NTRK2: variants seen among roughly 807,000 people sequenced by gnomAD.
NTRK2 encodes neurotrophic receptor tyrosine kinase 2.
In NTRK2, 13 loss-of-function variants were observed where a neutral mutation model predicts 94.5. That is an observed-to-expected ratio of 0.14 (90% CI 0.09 to 0.22). The LOEUF (loss-of-function observed/expected upper bound fraction) is 0.22. NTRK2 is among the 10% of genes least tolerant of loss of function. The pLI, the probability that NTRK2 is intolerant of heterozygous loss-of-function variation, is 1.00. For synonymous variants in NTRK2, 372 were observed against 407.4 expected, an observed-to-expected ratio of 0.91 and a Z score of 1.05; for missense variants, 639 against 1,071.2, an observed-to-expected ratio of 0.60 and a Z score of 5.63.
intron 14 of NTRK2, chr9:84,873,477 A>G (rs199840386): frequency 9.4e-6 from 10 of 1,059,642 alleles, no homozygotes; most frequent in Non-Finnish European, 1.0e-5. Context: ...GTCCCAATAC[A>G]ATTCCTTCCC....
chr9:84,674,284 G>T (rs2058892711), intron 2 of NTRK2, among the ~76,000 whole-genome samples: 1 of 151,980 alleles, frequency 6.6e-6, no homozygotes, highest in Non-Finnish European at 1.5e-5. Flanking sequence ...CTGATTTGGG[G>T]GTAATATTTG....
At chr9:84,972,106 A>C (rs967954365) in intron 17 of NTRK2, among the ~76,000 whole-genome samples, 6 of 152,210 alleles carry the variant, frequency 3.9e-5, no homozygotes, top group African/African-American at 7.2e-5. Context: ...GAACAACGCC[A>C]AGGTGGGAGA....
intron 12 of NTRK2, among the ~76,000 whole-genome samples, chr9:84,832,142 G>A (rs147339034): frequency 5.9e-5 from 9 of 152,182 alleles, no homozygotes; most frequent in East Asian, 1.9e-4. Flanking sequence ...CTTGTTACCC[G>A]TTTCTCTCCA....
intron 15 of NTRK2, among the ~76,000 whole-genome samples, chr9:84,936,126 A>T (rs1475560892): frequency 6.6e-6 from 1 of 152,188 alleles, no homozygotes; most frequent in Non-Finnish European, 1.5e-5. Context: ...GAGACTAGGG[A>T]ATCCTAGATG....
chr9:84,819,851 G>A (rs1362377837), intron 12 of NTRK2, among the ~76,000 whole-genome samples: 1 of 152,098 alleles, frequency 6.6e-6, no homozygotes, highest in Non-Finnish European at 1.5e-5. Context: ...CCTATTTCCT[G>A]TTTGTTTCTT....
At chr9:84,852,352 G>C (rs1318520012) in intron 12 of NTRK2, among the ~76,000 whole-genome samples, 1 of 152,200 alleles carries the variant, frequency 6.6e-6, no homozygotes. Context: ...CAGGGAAATT[G>C]TGTGTGTGTG....
Position 85,026,129 on chromosome 9 carries a change from C to CAA in NTRK2, c.*4702_*4703dup, listed in dbSNP as rs3837243. 5.1e-5 allele frequency: 10 copies of CAA among 197,754 alleles called. No homozygotes were observed. The highest frequency in any genetic ancestry group is 1.2e-4 in the African/African-American group (5 of 42,324). The allele number at this position is 197,754 out of a possible 1,614,324, so 12.2% of individuals were successfully genotyped here. ...CATTCAGCACAAACACAAAGCAAAG[C>CAA]AAAAAAAAAAATATATATATATATA... On this transcript the variant is annotated 3_prime_UTR_variant, in exon 19 of 19. Coordinates refer to ENST00000277120, the MANE Select transcript of NTRK2 (RefSeq NM_006180.6).
At chr9:84,921,984 T>G (rs1401524108) in intron 14 of NTRK2, among the ~76,000 whole-genome samples, 4 of 152,214 alleles carry the variant, frequency 2.6e-5, no homozygotes, top group Non-Finnish European at 5.9e-5. Flanking sequence ...GTGCATGTAT[T>G]GCTTTTTAAA....
At chr9:84,782,436 C>T (rs980641343) in intron 12 of NTRK2, among the ~76,000 whole-genome samples, 7 of 152,190 alleles carry the variant, frequency 4.6e-5, no homozygotes, top group African/African-American at 1.7e-4. Flanking sequence ...GCGGCTCTCC[C>T]CTCTGCCCCG....
chr9:85,011,430 A>G (rs1047123524), intron 17 of NTRK2, among the ~76,000 whole-genome samples: 7 of 152,164 alleles, frequency 4.6e-5, no homozygotes, highest in African/African-American at 1.2e-4. Flanking sequence ...GTATGACTCT[A>G]TTTGGAGATG....
chr9:84,917,140 G>A (rs868391398), intron 14 of NTRK2, among the ~76,000 whole-genome samples: 44 of 152,200 alleles, frequency 2.9e-4, no homozygotes, highest in Middle Eastern at 3.4e-3. Flanking sequence ...TTGACTTTGG[G>A]GGCATAGAAG....
chr9:84,989,633 G>A (rs983442132), intron 17 of NTRK2, among the ~76,000 whole-genome samples: 3 of 152,204 alleles, frequency 2.0e-5, no homozygotes, highest in Non-Finnish European at 2.9e-5. Flanking sequence ...GTCATGCAGA[G>A]TTTTTGACCT....
intron 15 of NTRK2, among the ~76,000 whole-genome samples, chr9:84,945,529 T>A (rs989191286): frequency 5.9e-5 from 9 of 152,156 alleles, no homozygotes; most frequent in Non-Finnish European, 1.5e-5. Flanking sequence ...CCATACCTCA[T>A]CTGCTATTTT....
At chr9:84,867,489 G>C (rs2132063574) in intron 14 of NTRK2, 58 bp downstream of exon 14, 2 of 1,421,266 alleles carry the variant, frequency 1.4e-6, no homozygotes, top group South Asian at 2.3e-5. Context: ...ATCAACCAGA[G>C]TGTTTATCAG....
chr9:84,690,531 A>G (rs1199632260), intron 2 of NTRK2, among the ~76,000 whole-genome samples: 4 of 141,220 alleles, frequency 2.8e-5, no homozygotes, highest in African/African-American at 1.0e-4. Flanking sequence ...GACATTTTAA[A>G]AAATGATAAT....
intron 15 of NTRK2, among the ~76,000 whole-genome samples, chr9:84,946,818 T>C (rs1287372283): frequency 6.6e-6 from 1 of 152,194 alleles, no homozygotes; most frequent in Non-Finnish European, 1.5e-5. Context: ...GGTTCTAGGT[T>C]AGCATGTTTT....
intron 6 of NTRK2, among the ~76,000 whole-genome samples, chr9:84,721,814 C>T (rs1027055034): frequency 3.9e-5 from 6 of 152,136 alleles, no homozygotes; most frequent in South Asian, 2.1e-4. Flanking sequence ...GAATCTTTTT[C>T]GTAATTTTTA....
chr9:84,940,735 T>A (rs1040674990), intron 15 of NTRK2, among the ~76,000 whole-genome samples: 5 of 146,702 alleles, frequency 3.4e-5, no homozygotes, highest in African/African-American at 7.4e-5. Context: ...TGGAACAGTT[T>A]AAAAAAAAAA....
intron 12 of NTRK2, among the ~76,000 whole-genome samples, chr9:84,806,442 A>G (rs73474428): frequency 0.066 from 10,000 of 152,224 alleles, 1,074 homozygotes; most frequent in African/African-American, 0.23. Flanking sequence ...AGGGATGTTT[A>G]AGCAACTTCT....
Sources: allele counts gnomAD v4.1 joint callset (sites outside exome capture counted in the v4.1 genomes callset), GRCh38; gene constraint gnomAD v4.1.1; transcripts MANE v1.5; gene names NCBI Gene and HGNC (gene_info 2026-07-23, HGNC 2026-07-21).